HNRNPM: variants seen among roughly 807,000 people sequenced by gnomAD.
The protein encoded by HNRNPM is CEA receptor.
In HNRNPM, 11 loss-of-function variants were observed where a neutral mutation model predicts 73.1. That is an observed-to-expected ratio of 0.15 (90% CI 0.09 to 0.25). The LOEUF is 0.25. Among genes scored for constraint, HNRNPM ranks in the 10% least tolerant of loss-of-function variants. The pLI is 1.00. For synonymous variants in HNRNPM, 407 were observed against 355.2 expected (o/e 1.15, Z -1.64); for missense variants, 789 against 1,067.9 (o/e 0.74, Z 3.64).
chr19:8,476,929 C>A (rs1970550988), intron 12 of HNRNPM, among the ~76,000 whole-genome samples: 1 of 142,074 alleles, frequency 7.0e-6, no homozygotes. Flanking sequence ...GCAGATAGCA[C>A]CCATGAGGAG....
Position 8,455,519 on chromosome 19 carries a change from A to G in HNRNPM, c.228A>G (p.Thr76=). 6.2e-7 allele frequency: 1 copy of G among 1,614,086 alleles called. No homozygotes were observed. Among genetic ancestry groups the G allele is most frequent in the Non-Finnish European group, 8.5e-7 (1 of 1,179,928 alleles). Reference sequence around the variant, plus strand: ...CTAAAAGATACAGAGCCTTCATTACAAACATACCTTTTGATGTGAAATGGC... The same window carrying G: ...CTAAAAGATACAGAGCCTTCATTACGAACATACCTTTTGATGTGAAATGGC... The part of the protein sequence containing the change: ...NPTKRYRAFI[T]NIPFDVKWQS... Residue 76 remains threonine, a synonymous_variant, in exon 2 of 16, where the codon ACA becomes ACG. Coordinates refer to ENST00000325495, the MANE Select transcript of HNRNPM (RefSeq NM_005968.5).
intron 12 of HNRNPM, among the ~76,000 whole-genome samples, chr19:8,479,380 G>A (rs1157942272): frequency 6.6e-6 from 1 of 152,012 alleles, no homozygotes; most frequent in Non-Finnish European, 1.5e-5. Context: ...CGCCAGGTCT[G>A]TTGATGTCCA....
chr19:8,469,106 CAG>C (rs1490142411), intron 9 of HNRNPM, among the ~76,000 whole-genome samples: 5 of 152,194 alleles, frequency 3.3e-5, no homozygotes, highest in African/African-American at 1.2e-4. Context: ...AAGGAAGAAT[CAG>C]AACCTGTGAA....
At position 8,462,336 on chromosome 19, in the gene HNRNPM, G is replaced by A. The variant is rs1969460934; in HGVS notation, c.284-193G>A. 1.8e-6 allele frequency: 1 copy of A among 566,370 alleles called. No individual in the cohort carries two copies. The highest frequency in any genetic ancestry group is 3.2e-6 in the Non-Finnish European group (1 of 311,246). 35.1% of individuals were successfully genotyped at this position (566,370 alleles called of 1,614,324 possible). ...GTGGGAGGAAAATCAAGGACATATT[G>A]TTAACGTGTTTTCACCTACTTTTAC... On this transcript the variant is annotated intron_variant, in intron 2 of 15. Coordinates refer to ENST00000325495, the MANE Select transcript of HNRNPM (RefSeq NM_005968.5). This position sits in a 1 kb window ranked among gnomAD's most constrained non-coding sequence, Gnocchi z 4.5.
At chr19:8,463,337 TTC>T (rs1354879514) in intron 3 of HNRNPM, among the ~76,000 whole-genome samples, 158 bp from the exon 4 acceptor site, 1 of 152,250 alleles carries the variant, frequency 6.6e-6, no homozygotes, top group Admixed American at 6.5e-5. Context: ...GGCGAGGCAC[TTC>T]TGTCAGCTTC....
chr19:8,471,168 G>A (rs1464730403), intron 9 of HNRNPM, among the ~76,000 whole-genome samples, 158 bp from the exon 10 acceptor site: 1 of 151,316 alleles, frequency 6.6e-6, no homozygotes, highest in African/African-American at 2.4e-5. Flanking sequence ...GTTTCCAAGT[G>A]TGCCGATGTT....
chr19:8,456,101 T>C (rs1431926111), intron 2 of HNRNPM, among the ~76,000 whole-genome samples: 2 of 152,162 alleles, frequency 1.3e-5, no homozygotes, highest in Admixed American at 6.5e-5. Context: ...TTTTAGGCTT[T>C]TTCCCCTCTG....
intron 8 of HNRNPM, 66 bp downstream of exon 8, chr19:8,467,650 TG>T: frequency 9.1e-7 from 1 of 1,102,646 alleles, no homozygotes; most frequent in Non-Finnish European, 1.4e-6. Flanking sequence ...TTAATAAGAG[TG>T]TACATATAGC....
At chr19:8,475,547 C>G (rs906176880) in intron 12 of HNRNPM, among the ~76,000 whole-genome samples, 1 of 152,156 alleles carries the variant, frequency 6.6e-6, no homozygotes, top group African/African-American at 2.4e-5. Flanking sequence ...TGATCAGGCC[C>G]TTCTTCCGGT....
At chr19:8,467,899 G>A (rs979432684) in intron 8 of HNRNPM, among the ~76,000 whole-genome samples, 5 of 152,036 alleles carry the variant, frequency 3.3e-5, no homozygotes, top group East Asian at 1.9e-4. Flanking sequence ...GTGGTGGCAC[G>A]CGCCTGTAGT....
intron 1 of HNRNPM, among the ~76,000 whole-genome samples, chr19:8,453,421 G>A (rs1482902832): frequency 6.6e-6 from 1 of 152,140 alleles, no homozygotes; most frequent in Admixed American, 6.5e-5. Flanking sequence ...GATTACAGAT[G>A]GGAGTTACCA....
chr19:8,466,490 T>G, intron 7 of HNRNPM, 102 bp downstream of exon 7: 2 of 1,194,232 alleles, frequency 1.7e-6, no homozygotes, highest in South Asian at 1.2e-5. Context: ...GTATTCATGT[T>G]TTTTATGTGA....
intron 2 of HNRNPM, among the ~76,000 whole-genome samples, chr19:8,458,451 A>G (rs1487779653): frequency 1.3e-5 from 2 of 152,228 alleles, no homozygotes; most frequent in Non-Finnish European, 2.9e-5. Context: ...GTGTCGTGCT[A>G]CATTTGTTTG....
intron 2 of HNRNPM, among the ~76,000 whole-genome samples, chr19:8,460,953 G>A (rs80289052): frequency 0.017 from 2,515 of 152,262 alleles, 41 homozygotes; most frequent in African/African-American, 0.036. Context: ...TGCATTTTTG[G>A]AACTGCTTTA....
At position 8,462,400 on chromosome 19, in the gene HNRNPM, A is replaced by G; in HGVS notation, c.284-129A>G. On this transcript the variant is annotated intron_variant, in intron 2 of 15. Transcript: ENST00000325495. The surrounding 1 kb of genome is among the most constrained non-coding windows in gnomAD (Gnocchi z 4.5). ...TGCCTAGTTCGGTGGTTTAGAGAAT[A>G]TGGAGTGTTTCTGGGCTTTCTTATA... 5.1e-6 allele frequency: 4 copies of G among 782,244 alleles called. No individual in the cohort carries two copies. Among genetic ancestry groups the G allele is most frequent in the South Asian group, 1.5e-5 (1 of 68,734 alleles). 48.5% of individuals were successfully genotyped at this position (782,244 alleles called of 1,614,324 possible). A position where few individuals can be genotyped will look rare whatever the true frequency, so the allele number is the denominator to read the frequency against.
At chr19:8,465,542 G>A (rs754720731) in intron 6 of HNRNPM, 27 bp downstream of exon 6, 2 of 1,472,074 alleles carry the variant, frequency 1.4e-6, no homozygotes, top group East Asian at 2.4e-5. Flanking sequence ...ATCGTCTAAA[G>A]TAGAAAATCA....
intron 5 of HNRNPM, among the ~76,000 whole-genome samples, chr19:8,464,912 T>C (rs114988597): frequency 0.01 from 1,557 of 152,218 alleles, 20 homozygotes; most frequent in African/African-American, 0.035. Context: ...TAGAACTGTT[T>C]CTCAAACTTC....
chr19:8,445,214 C>T (rs1268650901), intron 1 of HNRNPM, 103 bp downstream of exon 1: 1 of 1,069,522 alleles, frequency 9.3e-7, no homozygotes, highest in South Asian at 2.4e-5. Context: ...CCGGCGCGGC[C>T]TCGGCCCCGG....
intron 1 of HNRNPM, among the ~76,000 whole-genome samples, chr19:8,454,789 C>T (rs1445440480): frequency 1.3e-5 from 2 of 149,714 alleles, no homozygotes; most frequent in African/African-American, 2.5e-5. Flanking sequence ...TAGAAATCAT[C>T]CCTCTCTTCT....
Sources: gnomAD v4.1 joint callset for allele counts (sites outside exome capture counted in the v4.1 genomes callset) on GRCh38, gnomAD v4.1.1 for gene constraint, Gnocchi (gnomAD v3.1) non-coding constraint, MANE v1.5 for transcripts, NCBI Gene and HGNC (gene_info 2026-07-23, HGNC 2026-07-21) for gene names.